The following ARHGAP20 variants were observed in gnomAD, a reference collection of about 807,000 sequenced individuals.
ARHGAP20 encodes rho GTPase-activating protein 20.
Under a neutral mutation model 73.7 loss-of-function variants are expected in ARHGAP20, and 34 were observed. The observed-to-expected ratio is 0.46, with a 90% CI of 0.35 to 0.61. The LOEUF (loss-of-function observed/expected upper bound fraction) is 0.61. ARHGAP20 is among the 20% of genes least tolerant of loss of function. The probability of loss-of-function intolerance (pLI) is 0.00; values close to 1 mark genes in which losing one functional copy is unlikely to be tolerated. For missense variants in ARHGAP20, 1,314 were observed against 1,420.9 expected, an observed-to-expected ratio of 0.92 and a Z score of 1.21; for synonymous variants, 523 against 518.2, an observed-to-expected ratio of 1.01 and a Z score of -0.13.
chr11:110,698,553 T>C (rs1191557302), intron 1 of ARHGAP20, among the ~76,000 whole-genome samples: 2 of 151,854 alleles, frequency 1.3e-5, no homozygotes, highest in Admixed American at 6.6e-5. Flanking sequence ...TCCTGGGCTT[T>C]TGTTGTTCTT....
chr11:110,691,074 C>G, intron 1 of ARHGAP20: 2 of 1,284,814 alleles, frequency 1.6e-6, no homozygotes, highest in Non-Finnish European at 2.1e-6. Flanking sequence ...GAGGAAAAAA[C>G]AGTTAAAGCA....
intron 12 of ARHGAP20, among the ~76,000 whole-genome samples, chr11:110,584,923 ATATG>A (rs1198528684): frequency 1.4e-5 from 2 of 146,370 alleles, no homozygotes; most frequent in Admixed American, 7.2e-5. Context: ...ATATGAATAT[ATATG>A]TGAATATATG....
chr11:110,599,809 G>T (rs1166752999), intron 9 of ARHGAP20, among the ~76,000 whole-genome samples: 2 of 152,002 alleles, frequency 1.3e-5, no homozygotes, highest in Non-Finnish European at 2.9e-5. Flanking sequence ...AGCTGCAGAT[G>T]TGAGGATGAC....
chr11:110,597,288 T>C (rs1248461617), intron 9 of ARHGAP20, among the ~76,000 whole-genome samples: 4 of 127,196 alleles, frequency 3.1e-5, no homozygotes. Context: ...ATAATAATAA[T>C]AAAATTAAAA....
At chr11:110,674,969 T>A (rs1565471641) in intron 2 of ARHGAP20, among the ~76,000 whole-genome samples, 1 of 152,230 alleles carries the variant, frequency 6.6e-6, no homozygotes, top group African/African-American at 2.4e-5. Context: ...GTACAGAACG[T>A]GCAGTTTTGT....
chr11:110,711,644 G>T, intron 1 of ARHGAP20: 1 of 1,477,586 alleles, frequency 6.8e-7, no homozygotes, highest in Non-Finnish European at 8.9e-7. Context: ...CAGCGCCGCA[G>T]CCCCGCTGCC....
At chr11:110,680,318 A>G (rs1950013642) in intron 2 of ARHGAP20, among the ~76,000 whole-genome samples, 2 of 152,250 alleles carry the variant, frequency 1.3e-5, no homozygotes, top group South Asian at 4.1e-4. Flanking sequence ...TCTTAACCAC[A>G]ATAATATGAA....
At chr11:110,672,589 C>T (rs555457570) in intron 2 of ARHGAP20, among the ~76,000 whole-genome samples, 10 of 152,214 alleles carry the variant, frequency 6.6e-5, no homozygotes, top group African/African-American at 2.4e-4. Context: ...GGACTACAAG[C>T]ATGCACCACC....
At chr11:110,637,492 T>G (rs553641369) in intron 2 of ARHGAP20, among the ~76,000 whole-genome samples, 1 of 152,130 alleles carries the variant, frequency 6.6e-6, no homozygotes. Flanking sequence ...ATCTCTTATA[T>G]GACATCTAGC....
chr11:110,599,448 G>A (rs1188239313), intron 9 of ARHGAP20, among the ~76,000 whole-genome samples: 2 of 152,252 alleles, frequency 1.3e-5, no homozygotes, highest in Non-Finnish European at 2.9e-5. Context: ...CGGGGGCTGA[G>A]GCAGCTCGGT....
intron 1 of ARHGAP20, among the ~76,000 whole-genome samples, chr11:110,702,763 A>G (rs1046120642): frequency 6.6e-6 from 1 of 152,182 alleles, no homozygotes; most frequent in Non-Finnish European, 1.5e-5. Flanking sequence ...GAGCCAAATC[A>G]TGAGTGAACT....
At chr11:110,687,876 A>C (rs1406956223) in intron 2 of ARHGAP20, among the ~76,000 whole-genome samples, 2 of 152,230 alleles carry the variant, frequency 1.3e-5, no homozygotes, top group East Asian at 1.9e-4. Context: ...ATTTAAGAGA[A>C]GTCAGATAAG....
intron 3 of ARHGAP20, among the ~76,000 whole-genome samples, chr11:110,625,009 AT>A (rs145890937): frequency 1.3e-4 from 19 of 141,826 alleles, no homozygotes; most frequent in Non-Finnish European, 1.7e-4. Context: ...CACAGGATTT[AT>A]TTTTTTTTTA....
intron 2 of ARHGAP20, among the ~76,000 whole-genome samples, chr11:110,659,822 C>T (rs977889995): frequency 1.3e-5 from 2 of 151,152 alleles, no homozygotes; most frequent in African/African-American, 4.9e-5. Context: ...CCAAACACCG[C>T]ATATTCTCAC....
chr11:110,710,368 T>C lies in ARHGAP20; in HGVS notation c.105+1759A>G, dbSNP rs181606384. Among the ~76,000 whole-genome samples, 14 of 152,170 alleles carry C rather than the reference T, an allele frequency of 9.2e-5. No homozygotes were observed. In the East Asian group the frequency reaches 2.7e-3, roughly 29 times the overall value. On this transcript the variant is annotated intron_variant, in intron 1 of 14. Transcript: ENST00000683387. Reference sequence around the variant, plus strand: ...CAACCCTTCATTTATTGGACAAGTATTACTTGATAAATGATAATAAAGCTC... The same window carrying C: ...CAACCCTTCATTTATTGGACAAGTACTACTTGATAAATGATAATAAAGCTC...
chr11:110,704,302 C>T (rs1168368774), intron 1 of ARHGAP20, among the ~76,000 whole-genome samples: 3 of 152,174 alleles, frequency 2.0e-5, no homozygotes, highest in African/African-American at 4.8e-5. Context: ...AGAGCAGCTG[C>T]GTTTTCCAGA....
intron 2 of ARHGAP20, among the ~76,000 whole-genome samples, chr11:110,661,922 G>A (rs1949622133): frequency 6.6e-6 from 1 of 151,854 alleles, no homozygotes; most frequent in Non-Finnish European, 1.5e-5. Context: ...TTTCACTGCA[G>A]GATCATTTAT....
intron 2 of ARHGAP20, among the ~76,000 whole-genome samples, chr11:110,679,357 A>G (rs1169997915): frequency 5.3e-5 from 8 of 152,314 alleles, no homozygotes; most frequent in African/African-American, 1.9e-4. Flanking sequence ...GGGATTAGAC[A>G]AGGGTATGAA....
At chr11:110,614,757 A>G (rs754061448) in intron 5 of ARHGAP20, 112 bp from the exon 6 acceptor site, 9 of 684,902 alleles carry the variant, frequency 1.3e-5, no homozygotes, top group Non-Finnish European at 2.1e-5. Flanking sequence ...CTTATATGCT[A>G]TTTTTAAAAA....
Sources: gnomAD v4.1 joint callset for allele counts (sites outside exome capture counted in the v4.1 genomes callset) on GRCh38, gnomAD v4.1.1 for gene constraint, MANE v1.5 for transcripts, NCBI Gene and HGNC (gene_info 2026-07-23, HGNC 2026-07-21) for gene names.